SGCZ: variants seen among roughly 807,000 people sequenced by gnomAD.
The protein encoded by SGCZ is zeta-sarcoglycan.
In SGCZ, 40 loss-of-function variants were observed where a neutral mutation model predicts 41.3. The observed-to-expected ratio is 0.97, with a 90% CI of 0.75 to 1.26. The LOEUF (loss-of-function observed/expected upper bound fraction) is 1.26. Among genes scored for constraint, SGCZ ranks in the 50% most tolerant of loss-of-function variants. SGCZ has a pLI of 0.00. For missense variants in SGCZ, 552 were observed against 369.8 expected (o/e 1.49, Z -4.04); for synonymous variants, 206 against 137.5 (o/e 1.50, Z -3.49).
At chr8:14,100,282 G>A (rs1035577184) in intron 7 of SGCZ, among the ~76,000 whole-genome samples, 1 of 151,336 alleles carries the variant, frequency 6.6e-6, no homozygotes, top group Non-Finnish European at 1.5e-5. Context: ...AAAGGACTCT[G>A]CTGATACCAT....
intron 1 of SGCZ, among the ~76,000 whole-genome samples, chr8:14,746,771 G>C (rs984668390): frequency 1.3e-5 from 2 of 152,110 alleles, no homozygotes; most frequent in Admixed American, 6.6e-5. Flanking sequence ...TTTTTTGTGT[G>C]TTTGTGTGTA....
chr8:15,026,820 G>A (rs1161113662), intron 1 of SGCZ, among the ~76,000 whole-genome samples: 2 of 152,146 alleles, frequency 1.3e-5, no homozygotes, highest in African/African-American at 4.8e-5. Context: ...AAGCCCAACA[G>A]TAGATTTCTT....
In SGCZ at chr8:14,462,052, C is replaced by A. The variant is rs558585060; in HGVS notation, c.234+92680G>T. Among the ~76,000 whole-genome samples, 50 of 152,100 alleles carry A rather than the reference C, an allele frequency of 3.3e-4. 1 individual carries two copies. The highest frequency in any genetic ancestry group is 1.2e-3 in the African/African-American group (48 of 41,536). ...TATATACAACAGATTTACTTCCAGG[C>A]AGCCATACTTTTATTATCTCCTTAA... On this transcript the variant is annotated intron_variant, in intron 2 of 7. Transcript: ENST00000382080.
intron 1 of SGCZ, among the ~76,000 whole-genome samples, chr8:14,975,219 T>G (rs1203979233): frequency 6.6e-6 from 1 of 152,082 alleles, no homozygotes; most frequent in South Asian, 2.1e-4. Flanking sequence ...GGCAGGAGAA[T>G]CATTTGAACC....
chr8:14,220,708 A>T (rs1183743442), intron 4 of SGCZ, among the ~76,000 whole-genome samples: 3 of 152,036 alleles, frequency 2.0e-5, no homozygotes, highest in Non-Finnish European at 4.4e-5. Context: ...AATGGCGTGA[A>T]CCCGGGAGGC....
chr8:14,576,498 C>T (rs7831506), intron 1 of SGCZ, among the ~76,000 whole-genome samples: 10 of 152,044 alleles, frequency 6.6e-5, no homozygotes, highest in Non-Finnish European at 1.0e-4. Flanking sequence ...TGAAATGAAA[C>T]ATTTTCTATT....
rs1804529923 is a variant in SGCZ, at chr8:15,051,934, G to A, written c.39+185651C>T. 3.3e-5 allele frequency among the ~76,000 whole-genome samples: 5 copies of A among 152,240 alleles called. No individual in the cohort carries two copies. The South Asian group carries it at 1.0e-3, about 32-fold the overall frequency. ...ATTTGGGCGCGCCAAAAGACTGGAA[G>A]GCTGCAGTGGAAAAGAGGAAGAACT... On this transcript the variant is annotated intron_variant, in intron 1 of 7. Transcript: ENST00000382080.
intron 2 of SGCZ, among the ~76,000 whole-genome samples, chr8:14,492,367 G>T (rs1801865408): frequency 1.3e-5 from 2 of 152,110 alleles, no homozygotes; most frequent in South Asian, 2.1e-4. Flanking sequence ...AGAAAATATT[G>T]TTGATAAGTT....
At chr8:14,774,986 A>G (rs1800356695) in intron 1 of SGCZ, among the ~76,000 whole-genome samples, 1 of 152,220 alleles carries the variant, frequency 6.6e-6, no homozygotes, top group South Asian at 2.1e-4. Flanking sequence ...GAAACACCAC[A>G]TAAAGGAAAA....
intron 1 of SGCZ, among the ~76,000 whole-genome samples, chr8:14,630,053 T>C (rs572889805): frequency 6.6e-6 from 1 of 152,208 alleles, no homozygotes; most frequent in African/African-American, 2.4e-5. Context: ...AAAAATGTCT[T>C]TTCCCCATTC....
chr8:14,382,515 C>T (rs1804406287), intron 2 of SGCZ, among the ~76,000 whole-genome samples: 1 of 152,070 alleles, frequency 6.6e-6, no homozygotes, highest in Non-Finnish European at 1.5e-5. Flanking sequence ...GAGTCAGCAA[C>T]TCCCTCCCCT....
intron 1 of SGCZ, among the ~76,000 whole-genome samples, chr8:14,599,431 C>T (rs1805517340): frequency 6.6e-6 from 1 of 152,204 alleles, no homozygotes; most frequent in African/African-American, 2.4e-5. Context: ...TGGAAAGTCA[C>T]ACAGCCACTC....
chr8:14,698,133 G>A (rs1240190742), intron 1 of SGCZ, among the ~76,000 whole-genome samples: 2 of 151,912 alleles, frequency 1.3e-5, no homozygotes, highest in African/African-American at 4.8e-5. Context: ...CTTTCTAGCA[G>A]TCAAACAAAA....
intron 3 of SGCZ, among the ~76,000 whole-genome samples, chr8:14,279,910 T>C (rs1800363986): frequency 6.6e-6 from 1 of 151,970 alleles, no homozygotes; most frequent in Non-Finnish European, 1.5e-5. Context: ...CTCTGACTTA[T>C]TTGTTCACTA....
At chr8:14,667,808 T>C (rs1028936039) in intron 1 of SGCZ, among the ~76,000 whole-genome samples, 1 of 152,022 alleles carries the variant, frequency 6.6e-6, no homozygotes, top group African/African-American at 2.4e-5. Flanking sequence ...GTTATAAACA[T>C]AAAAAAGAGA....
chr8:14,993,851 G>T (rs1412620708), intron 1 of SGCZ, among the ~76,000 whole-genome samples: 1 of 152,258 alleles, frequency 6.6e-6, no homozygotes, highest in East Asian at 1.9e-4. Context: ...TTCTCCACAT[G>T]AGTTAGGAAG....
intron 1 of SGCZ, among the ~76,000 whole-genome samples, chr8:14,798,190 G>C (rs1331853004): frequency 6.6e-6 from 1 of 152,142 alleles, no homozygotes; most frequent in Admixed American, 6.5e-5. Context: ...TACAGAAATC[G>C]TTTTAAAAAC....
chr8:14,465,772 CT>C (rs1254756502), intron 2 of SGCZ, among the ~76,000 whole-genome samples: 1 of 151,702 alleles, frequency 6.6e-6, no homozygotes, highest in Non-Finnish European at 1.5e-5. Context: ...AAACTCTGCT[CT>C]TTTGATGCCT....
chr8:14,388,084 T>C (rs536905037), intron 2 of SGCZ, among the ~76,000 whole-genome samples: 10 of 152,114 alleles, frequency 6.6e-5, no homozygotes, highest in Non-Finnish European at 1.3e-4. Context: ...AAGGAACAAT[T>C]TGATGTAAAA....
Sources: allele counts gnomAD v4.1 joint callset (sites outside exome capture counted in the v4.1 genomes callset), GRCh38; gene constraint gnomAD v4.1.1; transcripts MANE v1.5; gene names NCBI Gene and HGNC (gene_info 2026-07-23, HGNC 2026-07-21).